EEPD1: variants seen among roughly 807,000 people sequenced by gnomAD.
The protein encoded by EEPD1 is endonuclease/exonuclease/phosphatase family domain-containing protein 1.
EEPD1 carries 17 observed loss-of-function variants against 46.3 expected under a neutral mutation model. That is an observed-to-expected ratio of 0.37 (90% CI 0.25 to 0.55). The LOEUF (loss-of-function observed/expected upper bound fraction) is 0.55. Ranked by LOEUF, EEPD1 falls within the 20% of genes least tolerant of loss-of-function variation. The pLI, the probability that EEPD1 is intolerant of heterozygous loss-of-function variation, is 0.83. For synonymous variants in EEPD1, 313 were observed against 315.6 expected (o/e 0.99, Z 0.09); for missense variants, 673 against 745.6 (o/e 0.90, Z 1.13).
intron 2 of EEPD1, among the ~76,000 whole-genome samples, chr7:36,159,261 C>T (rs1011744113): frequency 3.9e-5 from 6 of 152,172 alleles, no homozygotes; most frequent in African/African-American, 1.4e-4. Flanking sequence ...TTGTGTGGCC[C>T]AGCCTCAAAA....
intron 2 of EEPD1, among the ~76,000 whole-genome samples, chr7:36,209,583 T>C (rs971457755): frequency 1.3e-5 from 2 of 152,174 alleles, no homozygotes; most frequent in Non-Finnish European, 2.9e-5. Context: ...TGGGTTTTAA[T>C]GGGAGGCTAT....
intron 2 of EEPD1, among the ~76,000 whole-genome samples, chr7:36,197,889 A>T (rs1251675801): frequency 1.3e-5 from 2 of 151,574 alleles, no homozygotes; most frequent in African/African-American, 4.8e-5. Flanking sequence ...AGAATGATCA[A>T]TAAAAAAAAA....
intron 3 of EEPD1, among the ~76,000 whole-genome samples, chr7:36,260,680 A>G (rs534876519): frequency 7.2e-5 from 11 of 152,388 alleles, no homozygotes; most frequent in African/African-American, 2.6e-4. Flanking sequence ...GTGATAGTCT[A>G]GAAAGATCAA....
chr7:36,286,351 G>A, intron 5 of EEPD1, among the ~76,000 whole-genome samples: 1 of 152,220 alleles, frequency 6.6e-6, no homozygotes, highest in East Asian at 1.9e-4. Context: ...CAGAGCTGCA[G>A]CTGCAGAGCT....
chr7:36,184,546 C>G (rs1299410303), intron 2 of EEPD1, among the ~76,000 whole-genome samples: 2 of 152,158 alleles, frequency 1.3e-5, no homozygotes, highest in Non-Finnish European at 2.9e-5. Context: ...CTGGAGCAAC[C>G]AATCTCCATT....
intron 2 of EEPD1, among the ~76,000 whole-genome samples, chr7:36,173,432 G>A (rs368333493): frequency 1.3e-5 from 2 of 151,712 alleles, no homozygotes; most frequent in East Asian, 3.9e-4. Context: ...CCAGGAGGTG[G>A]AGGTTGCAGT....
At chr7:36,180,014 C>T (rs562622583) in intron 2 of EEPD1, among the ~76,000 whole-genome samples, 22 of 152,292 alleles carry the variant, frequency 1.4e-4, no homozygotes, top group African/African-American at 4.1e-4. Context: ...TGATTCCAAG[C>T]GTGGCTCCTC....
At chr7:36,275,021 T>C (rs879591540) in intron 3 of EEPD1, among the ~76,000 whole-genome samples, 2 of 152,212 alleles carry the variant, frequency 1.3e-5, no homozygotes, top group African/African-American at 4.8e-5. Flanking sequence ...TCCACCAAAA[T>C]AGATTGCGTT....
chr7:36,264,723 T>G (rs196569), intron 3 of EEPD1, among the ~76,000 whole-genome samples: 109,784 of 152,096 alleles, frequency 0.72, 39,953 homozygotes, highest in Non-Finnish European at 0.77. Context: ...CAAACAGTTT[T>G]TCTTCTTTTA....
In EEPD1 at chr7:36,284,809, G is replaced by A. The variant is rs762976339; in HGVS notation, c.1165G>A (p.Gly389Arg). 9.7e-6 allele frequency: 15 copies of A among 1,538,590 alleles called. No homozygotes were observed. The African/African-American group carries it at 1.4e-4, about 14-fold the overall frequency. Residue 389 changes from glycine to arginine, a missense_variant, in exon 5 of 8, where the codon GGG (glycine) becomes AGG (arginine). Physicochemically the swap from Gly to Arg is moderately radical, Grantham distance 125. Coordinates refer to ENST00000242108, the MANE Select transcript of EEPD1 (RefSeq NM_030636.3). ...GKLAGPSPYL[G>R]RFKVGSHDLT... Reference sequence around the variant, plus strand: ...GCTGGCGGGCCCCAGCCCATACCTCGGGAGGTTCAAGGTACCCGCTCCACG... The same window carrying A: ...GCTGGCGGGCCCCAGCCCATACCTCAGGAGGTTCAAGGTACCCGCTCCACG...
chr7:36,233,785 C>T (rs1028631068), intron 2 of EEPD1, among the ~76,000 whole-genome samples: 71 of 152,150 alleles, frequency 4.7e-4, no homozygotes, highest in African/African-American at 1.5e-3. Flanking sequence ...AAACAACAAA[C>T]GCAAACCTGC....
At chr7:36,297,920 G>T (rs537559671) in intron 7 of EEPD1, among the ~76,000 whole-genome samples, 5 of 152,186 alleles carry the variant, frequency 3.3e-5, no homozygotes, top group Non-Finnish European at 7.3e-5. Context: ...GAAGCCCCAC[G>T]GATGCCTATT....
intron 3 of EEPD1, among the ~76,000 whole-genome samples, chr7:36,279,374 C>T (rs947916178): frequency 2.0e-5 from 3 of 152,198 alleles, no homozygotes; most frequent in Non-Finnish European, 4.4e-5. Flanking sequence ...GTAGACCTCC[C>T]AGCACTCTCC....
At chr7:36,170,876 G>A (rs6973373) in intron 2 of EEPD1, among the ~76,000 whole-genome samples, 50,443 of 151,810 alleles carry the variant, frequency 0.33, 8,692 homozygotes, top group African/African-American at 0.43. Context: ...CTTCTCACTC[G>A]GAGTAGAATA....
At chr7:36,157,312 A>G (rs12155215) in intron 2 of EEPD1, among the ~76,000 whole-genome samples, 43,981 of 152,002 alleles carry the variant, frequency 0.29, 6,613 homozygotes, top group African/African-American at 0.38. Flanking sequence ...ATTCTTTCTG[A>G]CCAAGCGTTG....
chr7:36,176,511 G>T (rs1289997555), intron 2 of EEPD1, among the ~76,000 whole-genome samples: 7 of 152,174 alleles, frequency 4.6e-5, no homozygotes, highest in African/African-American at 1.7e-4. Context: ...ATGTCGTAGC[G>T]CTATGATAGC....
intron 2 of EEPD1, among the ~76,000 whole-genome samples, chr7:36,226,565 A>T (rs569965496): frequency 6.6e-6 from 1 of 152,344 alleles, no homozygotes; most frequent in East Asian, 1.9e-4. Context: ...GGAAATGGAA[A>T]CGTGAACTCA....
intron 2 of EEPD1, among the ~76,000 whole-genome samples, chr7:36,156,464 C>T (rs113016389): frequency 1.3e-5 from 2 of 152,262 alleles, no homozygotes; most frequent in South Asian, 2.1e-4. Context: ...GAGCTGTACT[C>T]GGCACCGGGA....
intron 6 of EEPD1, among the ~76,000 whole-genome samples, chr7:36,288,951 T>G (rs892802330): frequency 1.3e-5 from 2 of 152,228 alleles, no homozygotes; most frequent in African/African-American, 4.8e-5. Context: ...AGTTGGAGGC[T>G]TGGAATTCTC....
Sources: gnomAD v4.1 joint callset for allele counts (sites outside exome capture counted in the v4.1 genomes callset) on GRCh38, gnomAD v4.1.1 for gene constraint, MANE v1.5 for transcripts, NCBI Gene and HGNC (gene_info 2026-07-23, HGNC 2026-07-21) for gene names.